Variants in RARB observed in about 807,000 individuals in gnomAD.
RARB encodes retinoic acid receptor beta.
In RARB, 17 loss-of-function variants were observed where a neutral mutation model predicts 51.9. That is an observed-to-expected ratio of 0.33 (90% CI 0.22 to 0.49). The LOEUF (loss-of-function observed/expected upper bound fraction) is 0.49. Ranked by LOEUF, RARB falls within the 20% of genes least tolerant of loss-of-function variation. The pLI is 0.99. For missense variants in RARB, 369 were observed against 550.8 expected (o/e 0.67, Z 3.30); for synonymous variants, 215 against 195.4 (o/e 1.10, Z -0.84).
At chr3:25,243,730 T>G (rs544674862) in intron 5 of RARB, among the ~76,000 whole-genome samples, 13 of 152,234 alleles carry the variant, frequency 8.5e-5, no homozygotes, top group Non-Finnish European at 1.2e-4. Context: ...ATTGAGGATT[T>G]TTCCCTTCGA....
At chr3:25,403,286 G>A (rs1707315422) in intron 5 of RARB, among the ~76,000 whole-genome samples, 1 of 152,050 alleles carries the variant, frequency 6.6e-6, no homozygotes, top group East Asian at 1.9e-4. Flanking sequence ...TAACACTAAT[G>A]ATAAATGCTT....
chr3:24,982,946 C>T (rs1431512778), intron 2 of RARB, among the ~76,000 whole-genome samples: 1 of 152,176 alleles, frequency 6.6e-6, no homozygotes, highest in Non-Finnish European at 1.5e-5. Flanking sequence ...AGTAAGAATT[C>T]TTTTTGAAAC....
chr3:25,499,627 A>G (rs1444330492), intron 2 of RARB, among the ~76,000 whole-genome samples: 1 of 149,274 alleles, frequency 6.7e-6, no homozygotes, highest in Non-Finnish European at 1.5e-5. Flanking sequence ...GTGATTTTCA[A>G]AAAGTTAAAA....
intron 3 of RARB, among the ~76,000 whole-genome samples, chr3:25,520,951 A>C (rs1698375732): frequency 6.6e-6 from 1 of 152,228 alleles, no homozygotes; most frequent in Non-Finnish European, 1.5e-5. Context: ...TGTAGCACAA[A>C]AGTCCTCATT....
chr3:24,981,202 T>C (rs1169493925), intron 2 of RARB, among the ~76,000 whole-genome samples: 1 of 152,152 alleles, frequency 6.6e-6, no homozygotes, highest in Non-Finnish European at 1.5e-5. Flanking sequence ...GGGAGATGTC[T>C]CCCAGTCAGG....
At chr3:25,236,948 G>A (rs1274282578) in intron 5 of RARB, among the ~76,000 whole-genome samples, 12 of 114,738 alleles carry the variant, frequency 1.0e-4, no homozygotes, top group Admixed American at 9.7e-4. Flanking sequence ...TGATAATTCT[G>A]TTCTCTTATC....
chr3:25,240,307 G>A (rs1702400790), intron 5 of RARB, among the ~76,000 whole-genome samples: 1 of 151,976 alleles, frequency 6.6e-6, no homozygotes, highest in African/African-American at 2.4e-5. Flanking sequence ...TTTCAATTTG[G>A]ATGCATTTGA....
chr3:25,003,751 C>A (rs927214321), intron 2 of RARB, among the ~76,000 whole-genome samples: 4 of 151,994 alleles, frequency 2.6e-5, no homozygotes, highest in African/African-American at 9.7e-5. Flanking sequence ...AGTAAGAAAA[C>A]CATTACTTGC....
intron 5 of RARB, among the ~76,000 whole-genome samples, chr3:25,344,087 G>T (rs1440848772): frequency 6.6e-6 from 1 of 152,162 alleles, no homozygotes; most frequent in African/African-American, 2.4e-5. Flanking sequence ...ATGTACTCCA[G>T]AAACTTTCTT....
chr3:25,548,531 C>T (rs1699713626), intron 3 of RARB, among the ~76,000 whole-genome samples: 1 of 150,702 alleles, frequency 6.6e-6, no homozygotes, highest in Admixed American at 6.7e-5. Context: ...TAGACAAACC[C>T]ATTTCTTTAA....
At chr3:25,401,084 C>A (rs1707250835) in intron 5 of RARB, among the ~76,000 whole-genome samples, 1 of 152,018 alleles carries the variant, frequency 6.6e-6, no homozygotes, top group African/African-American at 2.4e-5. Flanking sequence ...TGCCAAAAAG[C>A]AGAATGGAGT....
intron 2 of RARB, among the ~76,000 whole-genome samples, chr3:24,877,346 C>CTGTTTTTTTTTTTTTT (rs1703065941): frequency 1.2e-5 from 1 of 81,892 alleles, no homozygotes; most frequent in Non-Finnish European, 2.2e-5. Context: ...AGCAATCTTA[C>CTGTTTTTTTTTTTTTT]TTTTTTTTTT....
chr3:25,017,170 A>G (rs1416254480), intron 2 of RARB, among the ~76,000 whole-genome samples: 3 of 152,012 alleles, frequency 2.0e-5, no homozygotes, highest in Non-Finnish European at 2.9e-5. Context: ...TTCCTTATCA[A>G]TGTTTGGATC....
chr3:25,485,371 C>G (rs1336006677), intron 2 of RARB, among the ~76,000 whole-genome samples: 1 of 152,214 alleles, frequency 6.6e-6, no homozygotes, highest in Non-Finnish European at 1.5e-5. Context: ...GGTTAGTGGT[C>G]TCTGGCCTTT....
At chr3:25,296,061 T>C (rs1396676893) in intron 5 of RARB, among the ~76,000 whole-genome samples, 2 of 152,168 alleles carry the variant, frequency 1.3e-5, no homozygotes, top group Non-Finnish European at 2.9e-5. Flanking sequence ...GAATCAACTG[T>C]CTAAGCAAAG....
chr3:25,049,839 GTTTA>G (rs1188371034), intron 2 of RARB, among the ~76,000 whole-genome samples: 8 of 152,130 alleles, frequency 5.3e-5, no homozygotes, highest in African/African-American at 1.4e-4. Context: ...TACTGAAACT[GTTTA>G]TTTGTTTGAT....
intron 5 of RARB, among the ~76,000 whole-genome samples, chr3:25,197,549 A>C (rs986990232): frequency 6.6e-6 from 1 of 151,804 alleles, no homozygotes; most frequent in African/African-American, 2.4e-5. Flanking sequence ...AAACCTAAAA[A>C]CTCCACCAAA....
intron 5 of RARB, among the ~76,000 whole-genome samples, chr3:25,272,621 G>T (rs903209017): frequency 2.0e-5 from 3 of 152,168 alleles, no homozygotes; most frequent in Non-Finnish European, 4.4e-5. Context: ...TTTATTAATT[G>T]CTCTGGTGTG....
Position 25,103,101 on chromosome 3 carries a change from G to A in RARB, c.-327-29060G>A, listed in dbSNP as rs370469442. On this transcript the variant is annotated intron_variant, in intron 3 of 11. Coordinates refer to the RARB transcript ENST00000383772. ...AACTTGTTGAGGGAGTGTAAGATGAGGAAGCTTGGATCCATGCAGAAGTGG... is the reference window on the plus strand; with the variant it reads ...AACTTGTTGAGGGAGTGTAAGATGAAGAAGCTTGGATCCATGCAGAAGTGG... Among the ~76,000 whole-genome samples, 7 of 152,258 alleles carry A rather than the reference G, an allele frequency of 4.6e-5. No homozygotes were observed. The East Asian group carries it at 9.7e-4, about 21-fold the overall frequency.
Sources: allele counts gnomAD v4.1 joint callset (sites outside exome capture counted in the v4.1 genomes callset), GRCh38; gene constraint gnomAD v4.1.1; transcripts MANE v1.5; gene names NCBI Gene and HGNC (gene_info 2026-07-23, HGNC 2026-07-21).